Variants in SLC25A26 observed in about 807,000 individuals in gnomAD.
SLC25A26 encodes mitochondrial S-adenosylmethionine carrier protein.
A neutral mutation model predicts 37.8 loss-of-function variants in SLC25A26; 36 were observed. That is an observed-to-expected ratio of 0.95 (90% CI 0.73 to 1.26). The LOEUF is 1.26. Among genes scored for constraint, SLC25A26 ranks in the 50% most tolerant of loss-of-function variants. SLC25A26 has a pLI of 0.00. For synonymous variants in SLC25A26, 129 were observed against 122.5 expected (o/e 1.05, Z -0.35); for missense variants, 390 against 331.1 (o/e 1.18, Z -1.38).
At chr3:66,179,966 A>G (rs556725781) in intron 1 of SLC25A26, among the ~76,000 whole-genome samples, 6 of 152,322 alleles carry the variant, frequency 3.9e-5, no homozygotes, top group South Asian at 2.1e-4. Context: ...GAAGTCTGAT[A>G]CTGTTAGATA....
At chr3:66,214,925 C>G (rs2071338474) in intron 1 of SLC25A26, among the ~76,000 whole-genome samples, 1 of 152,000 alleles carries the variant, frequency 6.6e-6, no homozygotes, top group African/African-American at 2.4e-5. Flanking sequence ...GCCTGGAGTT[C>G]CAGACCAGCC....
chr3:66,305,680 T>A (rs1177557789), intron 5 of SLC25A26, among the ~76,000 whole-genome samples: 1 of 152,178 alleles, frequency 6.6e-6, no homozygotes, highest in East Asian at 1.9e-4. Flanking sequence ...GTTCTCATTG[T>A]TCACTTACAA....
At position 66,221,008 on chromosome 3, in the gene SLC25A26, C is replaced by T; in HGVS notation, c.-87C>T. ...GTCCCGGAAGTTCAAGACAGACCCG[C>T]CTCAAACATGGCGGCGCCCAGCGCG... On this transcript the variant is annotated 5_prime_UTR_variant, in exon 1 of 10. Coordinates refer to ENST00000354883, the MANE Select transcript of SLC25A26 (RefSeq NM_001379210.1). The T allele has an allele frequency of 7.1e-7, 1 of 1,409,638 alleles. No homozygotes were observed. Among genetic ancestry groups the T allele is most frequent in the South Asian group, 1.2e-5 (1 of 81,542 alleles). The allele number at this position is 1,409,638 out of a possible 1,614,324, so 87.3% of individuals were successfully genotyped here.
rs185450064 is a variant in SLC25A26, at chr3:66,323,436, A to G, written c.454-22928A>G. ...AATTTATCAAGACAAGGGAATTGCA[A>G]TAGAGAAAGAGTTTAATACACATAG... On this transcript the variant is annotated intron_variant, in intron 5 of 9. Coordinates refer to ENST00000354883, the MANE Select transcript of SLC25A26 (RefSeq NM_001379210.1). Among the ~76,000 whole-genome samples, 469 of 152,344 alleles carry G rather than the reference A, an allele frequency of 3.1e-3. 1 individual carries two copies. Among genetic ancestry groups the G allele is most frequent in the Non-Finnish European group, 5.4e-3 (369 of 68,032 alleles).
intron 1 of SLC25A26, among the ~76,000 whole-genome samples, chr3:66,221,831 C>T (rs2071509678): frequency 6.7e-6 from 1 of 150,156 alleles, no homozygotes; most frequent in Non-Finnish European, 1.5e-5. Flanking sequence ...TGGCTGCCTA[C>T]GTTTTCATTG....
chr3:66,151,069 C>T (rs2070201309), intron 1 of SLC25A26, among the ~76,000 whole-genome samples: 1 of 152,114 alleles, frequency 6.6e-6, no homozygotes, highest in Non-Finnish European at 1.5e-5. Flanking sequence ...AGCTGAGCCT[C>T]ACTAAAGTTA....
intron 1 of SLC25A26, among the ~76,000 whole-genome samples, chr3:66,214,517 A>T (rs976685970): frequency 6.6e-6 from 1 of 152,206 alleles, no homozygotes; most frequent in Admixed American, 6.5e-5. Context: ...GCCTATTTAA[A>T]ATGTTAAAAA....
rs368595173 is a variant in SLC25A26, at chr3:66,263,312, C to T, written c.406-20C>T. 2.4e-5 allele frequency: 38 copies of T among 1,604,012 alleles called. 1 individual carries two copies. Among genetic ancestry groups the T allele is most frequent in the African/African-American group, 1.1e-4 (8 of 74,746 alleles). On this transcript the variant is annotated intron_variant, in intron 4 of 9. Coordinates refer to ENST00000354883, the MANE Select transcript of SLC25A26 (RefSeq NM_001379210.1). ...ATCTCTGCCATTCTTTCTGAACTCT[C>T]GGCTGTGTGTTTGTTTCAGGGTATC...
intron 5 of SLC25A26, among the ~76,000 whole-genome samples, chr3:66,271,295 G>A (rs1222333168): frequency 6.6e-6 from 1 of 152,060 alleles, no homozygotes; most frequent in Non-Finnish European, 1.5e-5. Flanking sequence ...TTTCCCTTTT[G>A]TAACAAGAAA....
At chr3:66,230,769 T>A (rs2071978628) in intron 1 of SLC25A26, among the ~76,000 whole-genome samples, 1 of 130,472 alleles carries the variant, frequency 7.7e-6, no homozygotes, top group African/African-American at 2.8e-5. Context: ...CGTGCCATTG[T>A]ACTCCAGCCT....
intron 1 of SLC25A26, among the ~76,000 whole-genome samples, chr3:66,141,112 T>C (rs908304963): frequency 5.3e-5 from 8 of 151,490 alleles, no homozygotes; most frequent in Non-Finnish European, 1.0e-4. Flanking sequence ...CCAAATGAGG[T>C]AGACAGATTG....
At chr3:66,337,233 T>C (rs779528299) in intron 5 of SLC25A26, among the ~76,000 whole-genome samples, 3 of 152,262 alleles carry the variant, frequency 2.0e-5, no homozygotes, top group South Asian at 2.1e-4. Flanking sequence ...TGTTCTGATA[T>C]ACCCAGATGT....
intron 5 of SLC25A26, among the ~76,000 whole-genome samples, chr3:66,317,910 C>T (rs761012182): frequency 5.3e-5 from 8 of 152,212 alleles, no homozygotes; most frequent in Non-Finnish European, 8.8e-5. Flanking sequence ...AGCCGCTGTA[C>T]TGTGATGTGG....
At chr3:66,204,529 C>G (rs1483556574) in intron 1 of SLC25A26, among the ~76,000 whole-genome samples, 3 of 151,440 alleles carry the variant, frequency 2.0e-5, no homozygotes, top group Non-Finnish European at 4.4e-5. Context: ...CCAATATCAT[C>G]AACTCCTGGA....
intron 9 of SLC25A26, among the ~76,000 whole-genome samples, chr3:66,372,711 CAA>C (rs1325614149): frequency 6.6e-6 from 1 of 152,116 alleles, no homozygotes; most frequent in East Asian, 1.9e-4. Flanking sequence ...TGATTAAAGA[CAA>C]TAAATAATTT....
At chr3:66,353,138 G>T (rs1399322261) in intron 6 of SLC25A26, among the ~76,000 whole-genome samples, 4 of 152,298 alleles carry the variant, frequency 2.6e-5, no homozygotes, top group East Asian at 3.9e-4. Context: ...GGGAAGCAGG[G>T]CTCAATAAGG....
intron 5 of SLC25A26, among the ~76,000 whole-genome samples, chr3:66,276,210 A>G (rs1219095104): frequency 6.6e-6 from 1 of 152,168 alleles, no homozygotes; most frequent in East Asian, 1.9e-4. Flanking sequence ...CTTAAACTGT[A>G]AGACATCAGC....
Position 66,377,835 on chromosome 3 carries a change from T to G in SLC25A26, c.*28T>G. The G allele has an allele frequency of 6.4e-7, 1 of 1,559,442 alleles. No homozygotes were observed. Among genetic ancestry groups the G allele is most frequent in the African/African-American group, 1.4e-5 (1 of 73,956 alleles). On this transcript the variant is annotated 3_prime_UTR_variant, in exon 10 of 10. Transcript: ENST00000354883. ...CAGAGACAAGCCTCACCTCCACTTC[T>G]GTCAAGAGAGGGGCCTGCAGTGCAA... is the stretch of plus-strand genomic sequence containing the variant.
intron 5 of SLC25A26, among the ~76,000 whole-genome samples, chr3:66,342,815 C>T (rs537840450): frequency 1.3e-5 from 2 of 152,122 alleles, no homozygotes; most frequent in East Asian, 1.9e-4. Flanking sequence ...AGGCTTTTTC[C>T]CCCTCCATCT....
Sources: gnomAD v4.1 joint callset for allele counts (sites outside exome capture counted in the v4.1 genomes callset) on GRCh38, gnomAD v4.1.1 for gene constraint, MANE v1.5 for transcripts, NCBI Gene and HGNC (gene_info 2026-07-23, HGNC 2026-07-21) for gene names.